The following ARHGAP29 variants were observed in gnomAD, a reference collection of about 807,000 sequenced individuals.
ARHGAP29 encodes the protein Rho GTPase activating protein 29, also known as rho GTPase-activating protein 29.
A neutral mutation model predicts 122.6 loss-of-function variants in ARHGAP29; 43 were observed. That is an observed-to-expected ratio of 0.35 (90% confidence interval 0.27 to 0.45). The LOEUF is 0.45. ARHGAP29 is among the 20% of genes least tolerant of loss of function. The pLI is 1.00. For missense variants in ARHGAP29, 1,303 were observed against 1,477.2 expected, an observed-to-expected ratio of 0.88 and a Z score of 1.93; for synonymous variants, 506 against 497.1, an observed-to-expected ratio of 1.02 and a Z score of -0.24.
At chr1:94,275,742 A>G (rs951051801), upstream of ARHGAP29, among the ~76,000 whole-genome samples, 6 of 152,160 alleles carry the variant, frequency 3.9e-5, no homozygotes, top group African/African-American at 1.4e-4. Flanking sequence ...AAAGGAACAT[A>G]CGAACATATA....
At chr1:94,292,557 C>G in the ARHGAP29 span, among the ~76,000 whole-genome samples, 4 of 152,190 alleles carry the variant, frequency 2.6e-5, no homozygotes, top group African/African-American at 9.6e-5. Context: ...GAATTTTCAG[C>G]CTTTCTGCTC....
rs1369025209 is a variant in ARHGAP29, at chr1:94,171,418, T to C, written c.*2451A>G. 6.6e-6 allele frequency among the ~76,000 whole-genome samples: 1 copy of C among 152,222 alleles called. No individual in the cohort carries two copies. Among genetic ancestry groups the C allele is most frequent in the African/African-American group, 2.4e-5 (1 of 41,460 alleles). Reference sequence around the variant, plus strand: ...CAGAAATGACTTCTTCTGAGTCGTTTGGACAATACGCATCATCTTGGACAA... The same window carrying C: ...CAGAAATGACTTCTTCTGAGTCGTTCGGACAATACGCATCATCTTGGACAA... On this transcript the variant is annotated 3_prime_UTR_variant, in exon 23 of 23. Transcript: ENST00000260526.
intron 1 of ARHGAP29, among the ~76,000 whole-genome samples, chr1:94,254,780 C>G (rs1264690327): frequency 2.0e-5 from 3 of 152,168 alleles, no homozygotes; most frequent in African/African-American, 7.2e-5. Context: ...CAGAAGGACC[C>G]TGTGAAGATG....
chr1:94,210,897 T>A (rs1651552313), intron 3 of ARHGAP29, among the ~76,000 whole-genome samples: 1 of 58,298 alleles, frequency 1.7e-5, no homozygotes, highest in Non-Finnish European at 3.9e-5. Context: ...AAACTCTGTT[T>A]CTTATTTAAA....
At position 94,169,882 on chromosome 1, in the gene ARHGAP29, A is replaced by G. The variant is rs1310361782; in HGVS notation, c.*3987T>C. 1.3e-5 allele frequency among the ~76,000 whole-genome samples: 2 copies of G among 152,204 alleles called. No homozygotes were observed. Among genetic ancestry groups the G allele is most frequent in the African/African-American group, 4.8e-5 (2 of 41,450 alleles). ...GAGACTCCCAAAAACCAAATCGGGGAAAATTTCAGCATGAAAATAAGTGAC... is the reference window on the plus strand; with the variant it reads ...GAGACTCCCAAAAACCAAATCGGGGGAAATTTCAGCATGAAAATAAGTGAC... On this transcript the variant is annotated 3_prime_UTR_variant, in exon 23 of 23. Transcript: ENST00000260526.
chr1:94,255,029 T>C (rs1654275354), intron 1 of ARHGAP29, among the ~76,000 whole-genome samples: 1 of 152,202 alleles, frequency 6.6e-6, no homozygotes, highest in Admixed American at 6.5e-5. Flanking sequence ...TACTGATTTA[T>C]CTAACAATGT....
chr1:94,188,631 A>G (rs1311253603), intron 15 of ARHGAP29, among the ~76,000 whole-genome samples: 2 of 152,132 alleles, frequency 1.3e-5, no homozygotes, highest in Non-Finnish European at 2.9e-5. Context: ...AGGTGTACAC[A>G]GGGCGCTTCT....
intron 1 of ARHGAP29, among the ~76,000 whole-genome samples, chr1:94,251,261 C>T (rs868352631): frequency 6.6e-6 from 1 of 151,584 alleles, no homozygotes; most frequent in South Asian, 2.1e-4. Context: ...AGCTCCACCT[C>T]CCGGGTTCAC....
At chr1:94,314,553 C>T in the ARHGAP29 span, among the ~76,000 whole-genome samples, 1 of 152,178 alleles carries the variant, frequency 6.6e-6, no homozygotes, top group Admixed American at 6.5e-5. Context: ...CCAAGTCCTC[C>T]ACCCATTCTC....
chr1:94,192,267 T>C (rs1016663549), intron 12 of ARHGAP29: 28 of 152,086 alleles, frequency 1.8e-4, no homozygotes, highest in African/African-American at 6.5e-4. Flanking sequence ...GAAAAGTAAA[T>C]GGAAATAAAC....
chr1:94,288,449 C>T, the ARHGAP29 span, among the ~76,000 whole-genome samples: 1 of 152,140 alleles, frequency 6.6e-6, no homozygotes, highest in Non-Finnish European at 1.5e-5. Flanking sequence ...CTGTAGGTTG[C>T]CTGTCCACTC....
chr1:94,203,145 A>G lies in ARHGAP29; in HGVS notation c.828T>C (p.Leu276=). 1 of 1,613,678 alleles carries G rather than the reference A, an allele frequency of 6.2e-7. No homozygotes were observed. Residue 276 remains leucine (L), a synonymous_variant, in exon 9 of 23, where the codon CTT becomes CTC. Coordinates refer to ENST00000260526, the MANE Select transcript of ARHGAP29 (RefSeq NM_004815.4). Reference sequence around the variant, plus strand: ...GGAGAGCTGCAATTGTTTGTTGTAAAAGGTGACTGCTTTCTATATCATTAA... The same window carrying G: ...GGAGAGCTGCAATTGTTTGTTGTAAGAGGTGACTGCTTTCTATATCATTAA... ...ALLNDIESSH[L]LQQTIAALQA...
intron 12 of ARHGAP29, 131 bp downstream of exon 12, chr1:94,201,589 C>T (rs554535161): frequency 2.1e-6 from 2 of 930,844 alleles, no homozygotes; most frequent in African/African-American, 1.7e-5. Flanking sequence ...CTCACTATAA[C>T]CTCAAACTTT....
At chr1:94,306,239 G>C in the ARHGAP29 span, among the ~76,000 whole-genome samples, 1 of 152,196 alleles carries the variant, frequency 6.6e-6, no homozygotes, top group Non-Finnish European at 1.5e-5. Context: ...GGATGGGCAG[G>C]GTCTTGGGTC....
chr1:94,308,639 A>C, the ARHGAP29 span, among the ~76,000 whole-genome samples: 1 of 152,120 alleles, frequency 6.6e-6, no homozygotes, highest in African/African-American at 2.4e-5. Context: ...CACCATTTCA[A>C]ATCCTCCTGA....
intron 1 of ARHGAP29, among the ~76,000 whole-genome samples, chr1:94,257,809 T>C (rs113427394): frequency 0.01 from 1,527 of 152,326 alleles, 24 homozygotes; most frequent in African/African-American, 0.034. Context: ...CAAGGACTAG[T>C]TAATAGGCAC....
Position 94,205,646 on chromosome 1 carries a change from G to A in ARHGAP29, c.548C>T (p.Ser183Phe). 1 of 1,611,998 alleles carries A rather than the reference G, an allele frequency of 6.2e-7. No individual in the cohort carries two copies. Among genetic ancestry groups the A allele is most frequent in the Non-Finnish European group, 8.5e-7 (1 of 1,179,150 alleles). The part of the protein sequence containing the change: ...ENVSVESVDS[S>F]SEKGNFSPLE... ...ACCTTGAGCATTACCTTTTTCACTG[G>A]ATGAGTCCACTGATTCCACAGAAAC... The change falls in exon 6 of 23, where the codon TCC becomes TTC. Residue 183 changes from serine (S) to phenylalanine (F), a missense_variant. Physicochemically the swap from Ser to Phe is radical, Grantham distance 155. This residue lies in a region of ARHGAP29 where 592 missense variants were observed against 648.2 expected (regional missense o/e 0.91). Transcript: ENST00000260526.
upstream of ARHGAP29, among the ~76,000 whole-genome samples, chr1:94,276,420 T>C (rs956828334): frequency 6.6e-6 from 1 of 151,010 alleles, no homozygotes; most frequent in African/African-American, 2.4e-5. Context: ...ATTGTTCATA[T>C]ATAGAGCTGG....
rs1372520353 is a variant in ARHGAP29 at position 94,209,320 on chromosome 1, T to C, written c.371A>G (p.Asn124Ser). 2.5e-6 allele frequency: 4 copies of C among 1,608,766 alleles called. No individual in the cohort carries two copies. The highest frequency in any genetic ancestry group is 3.4e-6 in the Non-Finnish European group (4 of 1,178,576). ...AVNFTEVNEE[N>S]KNDLFQEVFS... Reference sequence around the variant, plus strand: ...CACTTCCTGGAAGAGATCGTTTTTGTTTTCTTCATTAACTTCTGTGAAGTT... The same window carrying C: ...CACTTCCTGGAAGAGATCGTTTTTGCTTTCTTCATTAACTTCTGTGAAGTT... Residue 124 changes from asparagine (N) to serine (S), a missense_variant, in exon 4 of 23, where the codon AAC becomes AGC. Coordinates refer to ENST00000260526, the MANE Select transcript of ARHGAP29 (RefSeq NM_004815.4).
Sources: allele counts gnomAD v4.1 joint callset (sites outside exome capture counted in the v4.1 genomes callset), GRCh38; gene constraint gnomAD v4.1.1; regional missense constraint gnomAD v4.1.1; transcripts MANE v1.5; gene names NCBI Gene and HGNC (gene_info 2026-07-23, HGNC 2026-07-21).